Variants in ARPC5L observed in about 807,000 individuals in gnomAD.
ARPC5L encodes the protein actin-related protein 2/3 complex subunit 5-like protein.
ARPC5L carries 4 observed loss-of-function variants against 16.9 expected under a neutral mutation model. That is an observed-to-expected ratio of 0.24 (90% CI 0.12 to 0.54). ARPC5L has a LOEUF of 0.54. ARPC5L is among the 20% of genes least tolerant of loss of function. The probability of loss-of-function intolerance (pLI) is 0.95; values close to 1 mark genes in which losing one functional copy is unlikely to be tolerated. For synonymous variants in ARPC5L, 78 were observed against 82.6 expected (o/e 0.94, Z 0.30); for missense variants, 151 against 201.9 (o/e 0.75, Z 1.53).
At chr9:124,867,808 C>CTTTTT (rs57343594) in intron 2 of ARPC5L, among the ~76,000 whole-genome samples, 11 of 98,718 alleles carry the variant, frequency 1.1e-4, no homozygotes, top group East Asian at 2.6e-4. Context: ...CTTTTCTTTT[C>CTTTTT]TTTTTTTTTT....
intron 5 of ARPC5L, 92 bp downstream of exon 5, chr9:124,875,243 G>A (rs1183900488): frequency 7.8e-6 from 11 of 1,412,196 alleles, no homozygotes; most frequent in Admixed American, 6.0e-5. Context: ...AACGTAGGAC[G>A]GTCTGATAGG....
At chr9:124,871,851 C>T (rs1189185036) in intron 3 of ARPC5L, among the ~76,000 whole-genome samples, 3 of 152,158 alleles carry the variant, frequency 2.0e-5, no homozygotes, top group Non-Finnish European at 4.4e-5. Context: ...CTATGACACA[C>T]AGCTAAGATC....
intron 2 of ARPC5L, among the ~76,000 whole-genome samples, chr9:124,866,366 T>A (rs1487266013): frequency 4.6e-5 from 7 of 152,014 alleles, no homozygotes; most frequent in Non-Finnish European, 5.9e-5. Context: ...ACTGTGCCAC[T>A]GCACTCCAGC....
rs1466332533 is a variant in ARPC5L, at chr9:124,869,562, G to A, written c.149+123G>A. 4 of 1,367,550 alleles carry A rather than the reference G, an allele frequency of 2.9e-6. No homozygotes were observed. In the East Asian group the frequency reaches 1.2e-4, roughly 42 times the overall value. 84.7% of individuals were successfully genotyped at this position (1,367,550 alleles called of 1,614,324 possible). A position where few individuals can be genotyped will look rare whatever the true frequency, so the allele number is the denominator to read the frequency against. ...TCCGACCCTTGGCCCCCTCAGGTCA[G>A]CCTCCAGCTCCCTGCCGACCCGGCT... On this transcript the variant is annotated intron_variant, in intron 3 of 5. Transcript: ENST00000353214.
rs753869429 is a variant in ARPC5L at position 124,876,902 on chromosome 9, T to G, written c.424T>G (p.Ser142Ala). Reference sequence around the variant, plus strand: ...GGCCTTAGCAGTAGGAGGACTAGGCTCCATTATAAGAGTTCTTACAGCAAG... The same window carrying G: ...GGCCTTAGCAGTAGGAGGACTAGGCGCCATTATAAGAGTTCTTACAGCAAG... ...EKALAVGGLG[S>A]IIRVLTARKT... The change falls in exon 6 of 6, where the codon TCC becomes GCC. Residue 142 changes from serine (S) to alanine (A), a missense_variant. By Grantham distance (99) the Ser-to-Ala change is moderately conservative (BLOSUM62 1). Transcript: ENST00000353214. The G allele has an allele frequency of 6.8e-6, 11 of 1,613,474 alleles. No homozygotes were observed. In the South Asian group the frequency reaches 1.2e-4, roughly 18 times the overall value.
rs757429790 is a variant in ARPC5L, at chr9:124,869,376, AGGCGGC to A, written c.101_106del (p.Ala34_Ala35del). On this transcript the variant is annotated inframe_deletion, in exon 3 of 6. Coordinates refer to ENST00000353214, the MANE Select transcript of ARPC5L (RefSeq NM_030978.3). ...AACAAATTTGTGGACGAGCAGGAGGAGGCGGCGGCGGCGGCGGCGGAGCCAGGCCCG... is the reference window on the plus strand; with the variant it reads ...AACAAATTTGTGGACGAGCAGGAGGAGGCGGCGGCGGCGGAGCCAGGCCCG... 1.8e-5 allele frequency: 27 copies of A among 1,517,876 alleles called. No homozygotes were observed. The highest frequency in any genetic ancestry group is 2.1e-5 in the Non-Finnish European group (24 of 1,132,850). The allele number at this position is 1,517,876 out of a possible 1,614,324, so 94.0% of individuals were successfully genotyped here. A position where few individuals can be genotyped will look rare whatever the true frequency, so the allele number is the denominator to read the frequency against.
intron 3 of ARPC5L, among the ~76,000 whole-genome samples, chr9:124,871,242 G>C (rs543696805): frequency 2.0e-5 from 3 of 152,318 alleles, no homozygotes; most frequent in African/African-American, 7.2e-5. Flanking sequence ...AGATGGAGTA[G>C]AAGGAACCCG....
rs1829446739 is a variant in ARPC5L, at chr9:124,876,798, TC to T, written c.400-74del. On this transcript the variant is annotated intron_variant, in intron 5 of 5. Coordinates refer to ENST00000353214, the MANE Select transcript of ARPC5L (RefSeq NM_030978.3). ...GTGACGGGATCTAGGTCAGGGAATG[TC>T]CCCCCTGTCTCTGGCAAGCCAGGCT... The T allele has an allele frequency of 9.0e-6, 10 of 1,116,606 alleles. No individual in the cohort carries two copies. In the Admixed American group the frequency reaches 1.1e-4, roughly 12 times the overall value. 69.2% of individuals were successfully genotyped at this position (1,116,606 alleles called of 1,614,324 possible). A position where few individuals can be genotyped will look rare whatever the true frequency, so the allele number is the denominator to read the frequency against.
chr9:124,864,298 G>A (rs1829241991), intron 2 of ARPC5L, among the ~76,000 whole-genome samples, 191 bp downstream of exon 2: 1 of 151,168 alleles, frequency 6.6e-6, no homozygotes, highest in Admixed American at 6.6e-5. Context: ...CGATCCTTGT[G>A]CCTCAGCCTC....
chr9:124,873,374 G>A, intron 3 of ARPC5L: 1 of 361,176 alleles, frequency 2.8e-6, no homozygotes, highest in Non-Finnish European at 5.2e-6. Flanking sequence ...GGATCCAGTA[G>A]GGGAGATACA....
At chr9:124,870,219 G>C (rs1829336234) in intron 3 of ARPC5L, among the ~76,000 whole-genome samples, 2 of 152,340 alleles carry the variant, frequency 1.3e-5, no homozygotes, top group South Asian at 4.1e-4. Flanking sequence ...AAGTGTGAAA[G>C]TGGAGCCCCA....
chr9:124,877,301 GA>G lies in ARPC5L; in HGVS notation c.*368del, dbSNP rs147685245. ...CGGGAGAGCTTGTGTTTTTGAAGTGGAAAAAAACCCAAGAGTTTGTACAGAC... is the reference window on the plus strand; with the variant it reads ...CGGGAGAGCTTGTGTTTTTGAAGTGGAAAAAACCCAAGAGTTTGTACAGAC... On this transcript the variant is annotated 3_prime_UTR_variant, in exon 6 of 6. Coordinates refer to ENST00000353214, the MANE Select transcript of ARPC5L (RefSeq NM_030978.3). The G allele has an allele frequency of 4.4e-6, 1 of 225,194 alleles. No homozygotes were observed. Among genetic ancestry groups the G allele is most frequent in the Non-Finnish European group, 8.7e-6 (1 of 115,266 alleles). The allele number at this position is 225,194 out of a possible 1,614,324, so 13.9% of individuals were successfully genotyped here.
intron 3 of ARPC5L, among the ~76,000 whole-genome samples, chr9:124,869,985 G>T (rs1829332866): frequency 6.6e-6 from 1 of 152,172 alleles, no homozygotes; most frequent in Admixed American, 6.5e-5. Context: ...GGCGGCCGCC[G>T]TATTTCAGCC....
chr9:124,872,046 G>A (rs1312589738), intron 3 of ARPC5L, among the ~76,000 whole-genome samples: 2 of 152,160 alleles, frequency 1.3e-5, no homozygotes, highest in African/African-American at 2.4e-5. Flanking sequence ...TCCTCCCTGC[G>A]CCCCACATCT....
Position 124,869,187 on chromosome 9 carries a change from GCCGGGCAGCCGCTTCCCGCCC to G in ARPC5L, c.-100_-80del. 1 of 1,273,790 alleles carries G rather than the reference GCCGGGCAGCCGCTTCCCGCCC, an allele frequency of 7.9e-7. No individual in the cohort carries two copies. The highest frequency in any genetic ancestry group is 1.0e-6 in the Non-Finnish European group (1 of 986,486). The allele number at this position is 1,273,790 out of a possible 1,614,324, so 78.9% of individuals were successfully genotyped here. On this transcript the variant is annotated 5_prime_UTR_variant, in exon 3 of 6. Transcript: ENST00000353214. ...GGCGGTGGAGGAGGTGCTGGGAGCA[GCCGGGCAGCCGCTTCCCGCCC>G]CCGAGCAGGAGCCGGTGCGAGCGGA... is the stretch of plus-strand genomic sequence containing the variant.
chr9:124,875,376 C>T (rs149843461), intron 5 of ARPC5L, among the ~76,000 whole-genome samples: 97 of 152,190 alleles, frequency 6.4e-4, no homozygotes, highest in African/African-American at 2.1e-3. Context: ...TTTTAGCTGC[C>T]GATTTATGTC....
At chr9:124,864,659 T>C (rs1388985509) in intron 2 of ARPC5L, among the ~76,000 whole-genome samples, 1 of 152,180 alleles carries the variant, frequency 6.6e-6, no homozygotes, top group Non-Finnish European at 1.5e-5. Flanking sequence ...ATTACAGGTG[T>C]GAGCTGCCGC....
intron 5 of ARPC5L, among the ~76,000 whole-genome samples, chr9:124,875,571 C>G (rs1040343675): frequency 1.3e-5 from 2 of 152,208 alleles, no homozygotes; most frequent in Non-Finnish European, 2.9e-5. Context: ...TAAGGGCTTC[C>G]TGCCCTGGCC....
Position 124,877,100 on chromosome 9 carries a change from A to G in ARPC5L, c.*160A>G. The G allele has an allele frequency of 3.1e-6, 2 of 637,068 alleles. No individual in the cohort carries two copies. Among genetic ancestry groups the G allele is most frequent in the Non-Finnish European group, 2.7e-6 (1 of 374,988 alleles). 39.5% of individuals were successfully genotyped at this position (637,068 alleles called of 1,614,324 possible). A position where few individuals can be genotyped will look rare whatever the true frequency, so the allele number is the denominator to read the frequency against. On this transcript the variant is annotated 3_prime_UTR_variant, in exon 6 of 6. Coordinates refer to ENST00000353214, the MANE Select transcript of ARPC5L (RefSeq NM_030978.3). ...TTTTATTTTCAAGGTGGAGGGGAAA[A>G]TCGTCTGTTTCCTAAATCCTGTTTA...
Sources: gnomAD v4.1 joint callset for allele counts (sites outside exome capture counted in the v4.1 genomes callset) on GRCh38, gnomAD v4.1.1 for gene constraint, MANE v1.5 for transcripts, NCBI Gene and HGNC (gene_info 2026-07-23, HGNC 2026-07-21) for gene names.